Variants in FMNL1 observed in about 807,000 individuals in gnomAD.
The protein encoded by FMNL1 is formin-like protein 1.
FMNL1 carries 43 observed loss-of-function variants against 121.3 expected under a neutral mutation model. The observed-to-expected ratio is 0.35, with a 90% CI of 0.28 to 0.46. FMNL1 has a LOEUF of 0.46. Ranked by LOEUF, FMNL1 falls within the 20% of genes least tolerant of loss-of-function variation. The probability of loss-of-function intolerance (pLI) is 1.00; values close to 1 mark genes in which losing one functional copy is unlikely to be tolerated. For synonymous variants in FMNL1, 613 were observed against 613.5 expected, an observed-to-expected ratio of 1.00 and a Z score of 0.01; for missense variants, 1,191 against 1,482.4, an observed-to-expected ratio of 0.80 and a Z score of 3.23.
chr17:45,223,266 G>A (rs945733342), intron 1 of FMNL1, among the ~76,000 whole-genome samples: 2 of 152,222 alleles, frequency 1.3e-5, no homozygotes, highest in Non-Finnish European at 2.9e-5. Flanking sequence ...CAGGTCTGAG[G>A]GTGGGGGCTC....
intron 25 of FMNL1, 68 bp downstream of exon 25, chr17:45,246,398 C>T (rs745659229): frequency 4.3e-6 from 7 of 1,612,860 alleles, no homozygotes; most frequent in South Asian, 1.1e-5. Context: ...TGACCCAATG[C>T]GCTATCCTCT....
In FMNL1 at chr17:45,237,459, A is replaced by C; in HGVS notation, c.801-87A>C. On this transcript the variant is annotated intron_variant, in intron 8 of 26. Transcript: ENST00000331495. The surrounding 1 kb of genome is among the most constrained non-coding windows in gnomAD (Gnocchi z 4.4). ...GGTCTCAGAGGCTCATTCTGCACCCACTATGCTCCTCCTAGCCAGGCCTGT... is the reference window on the plus strand; with the variant it reads ...GGTCTCAGAGGCTCATTCTGCACCCCCTATGCTCCTCCTAGCCAGGCCTGT... The C allele has an allele frequency of 1.9e-6, 3 of 1,606,956 alleles. No individual in the cohort carries two copies. Among genetic ancestry groups the C allele is most frequent in the Non-Finnish European group, 2.6e-6 (3 of 1,173,774 alleles).
At chr17:45,246,625 C>A in intron 26 of FMNL1, 21 bp downstream of exon 26, 1 of 1,569,650 alleles carries the variant, frequency 6.4e-7, no homozygotes, top group Non-Finnish European at 8.7e-7. Context: ...GACCTGGCCT[C>A]TGATACCACG....
rs572556737 is a variant in FMNL1 at position 45,233,163 on chromosome 17, C to G, written c.328-61C>G. ...GGCGCTGCTGCCTGCTGCCTCAGGA[C>G]TTGGTGGGCCTGTGGGAGGCCGGGC... On this transcript the variant is annotated intron_variant, in intron 3 of 26. Transcript: ENST00000331495. The surrounding 1 kb of genome is among the most constrained non-coding windows in gnomAD (Gnocchi z 4.1). 39 of 1,526,868 alleles carry G rather than the reference C, an allele frequency of 2.6e-5. 1 individual carries two copies. The South Asian group carries it at 4.7e-4, about 18-fold the overall frequency. 94.6% of individuals were successfully genotyped at this position (1,526,868 alleles called of 1,614,324 possible). A position where few individuals can be genotyped will look rare whatever the true frequency, so the allele number is the denominator to read the frequency against.
At position 45,241,847 on chromosome 17, in the gene FMNL1, A is replaced by G; in HGVS notation, c.1586A>G (p.Asp529Gly). The change falls in exon 15 of 27, where the codon GAT becomes GGT. Residue 529 changes from aspartate (D) to glycine (G), a missense_variant and splice_region_variant. Transcript: ENST00000331495. This position sits in a 1 kb window ranked among gnomAD's most constrained non-coding sequence, Gnocchi z 7.0. The stretch of plus-strand genomic sequence containing the variant: ...CCACGCCGCGCCCTCGCTGGCTCAG[A>G]TCTCGCACCTGCAGCAGAGCCGGCT... Reference protein sequence around the residue: ...PGVPTGSPSPDLAPAAEPAPG... With the variant: ...PGVPTGSPSPGLAPAAEPAPG... 1 of 1,429,198 alleles carries G rather than the reference A, an allele frequency of 7.0e-7. No homozygotes were observed. Among genetic ancestry groups the G allele is most frequent in the Non-Finnish European group, 9.1e-7 (1 of 1,100,978 alleles). 88.5% of individuals were successfully genotyped at this position (1,429,198 alleles called of 1,614,324 possible).
chr17:45,245,484 G>C, intron 22 of FMNL1, 68 bp downstream of exon 22: 2 of 1,608,044 alleles, frequency 1.2e-6, no homozygotes, highest in Non-Finnish European at 1.7e-6. Flanking sequence ...GCCTGGAGGG[G>C]TGTGGCCGTA....
rs574847378 is a variant in FMNL1 at position 45,221,987 on chromosome 17, C to T, written c.-138C>T. On this transcript the variant is annotated 5_prime_UTR_variant, in exon 1 of 27. Coordinates refer to ENST00000331495, the MANE Select transcript of FMNL1 (RefSeq NM_005892.4). ...CCCTGCGCGCCGCTGAGCCGAGCGC[C>T]CCCCGCTGCCGAGACCCCCGCCGCC... is the stretch of plus-strand genomic sequence containing the variant. The T allele has an allele frequency of 5.0e-6, 3 of 601,116 alleles. No individual in the cohort carries two copies. In the African/African-American group the frequency reaches 5.9e-5, roughly 12 times the overall value. The allele number at this position is 601,116 out of a possible 1,614,324, so 37.2% of individuals were successfully genotyped here.
In FMNL1 at chr17:45,241,981, C is replaced by T. The variant is rs2043710435; in HGVS notation, c.1720C>T (p.Pro574Ser). 4 of 1,306,156 alleles carry T rather than the reference C, an allele frequency of 3.1e-6. No individual in the cohort carries two copies. Among genetic ancestry groups the T allele is most frequent in the Non-Finnish European group, 3.9e-6 (4 of 1,029,306 alleles). The allele number at this position is 1,306,156 out of a possible 1,614,324, so 80.9% of individuals were successfully genotyped here. A position where few individuals can be genotyped will look rare whatever the true frequency, so the allele number is the denominator to read the frequency against. Reference protein sequence around the residue: ...QAPPLPGSPEPPPAPPLPGDL... With the variant: ...QAPPLPGSPESPPAPPLPGDL... ...CCCGCCTCTCCCTGGCAGCCCGGAG[C>T]CCCCGCCTGCGCCGCCGCTGCCCGG... Residue 574 changes from proline to serine, a missense_variant, in exon 15 of 27, where the codon CCC becomes TCC. Pro to Ser is a moderately conservative substitution (Grantham distance 74). Coordinates refer to ENST00000331495, the MANE Select transcript of FMNL1 (RefSeq NM_005892.4). This position sits in a 1 kb window ranked among gnomAD's most constrained non-coding sequence, Gnocchi z 7.0.
chr17:45,247,249 G>A lies in FMNL1; in HGVS notation c.*391G>A. 1 of 450,668 alleles carries A rather than the reference G, an allele frequency of 2.2e-6. No homozygotes were observed. The highest frequency in any genetic ancestry group is 3.7e-5 in the Admixed American group (1 of 27,132). 27.9% of individuals were successfully genotyped at this position (450,668 alleles called of 1,614,324 possible). ...AACTTATAAAGTGCACCTCGCCCCC[G>A]CAAGCCCCAGCCCCGAGGACCGTCC... On this transcript the variant is annotated 3_prime_UTR_variant, in exon 27 of 27. Coordinates refer to ENST00000331495, the MANE Select transcript of FMNL1 (RefSeq NM_005892.4).
chr17:45,238,753 G>C, intron 10 of FMNL1, 115 bp downstream of exon 10: 2 of 1,360,226 alleles, frequency 1.5e-6, no homozygotes, highest in Non-Finnish European at 2.1e-6. Flanking sequence ...CGTAAGGACT[G>C]AGTGGTCAGT....
intron 15 of FMNL1, 69 bp downstream of exon 15, chr17:45,242,215 T>A (rs973515509): frequency 4.5e-6 from 7 of 1,544,446 alleles, no homozygotes; most frequent in Non-Finnish European, 6.1e-6. Context: ...GGCCTCAGTG[T>A]CCTCCAGGGT....
Position 45,241,156 on chromosome 17 carries a change from A to G in FMNL1, c.1258A>G (p.Asn420Asp). 1 of 1,614,068 alleles carries G rather than the reference A, an allele frequency of 6.2e-7. No homozygotes were observed. The highest frequency in any genetic ancestry group is 8.5e-7 in the Non-Finnish European group (1 of 1,179,966). Reference sequence around the variant, plus strand: ...GACAGAGCGGCTTCGGGACGCGGAGAACGAATCCATGGCCAAGATTGCAGA... The same window carrying G: ...GACAGAGCGGCTTCGGGACGCGGAGGACGAATCCATGGCCAAGATTGCAGA... The part of the protein sequence containing the change: ...LLTERLRDAE[N>D]ESMAKIAELE... Residue 420 changes from asparagine to aspartate, a missense_variant, in exon 13 of 27, where the codon AAC becomes GAC. This residue lies in a region of FMNL1 where 519 missense variants were observed against 492.8 expected (regional missense o/e 1.05). Transcript: ENST00000331495. This position sits in a 1 kb window ranked among gnomAD's most constrained non-coding sequence, Gnocchi z 7.0.
intron 10 of FMNL1, 97 bp from the exon 11 acceptor site, chr17:45,238,858 T>A (rs1421472059): frequency 8.6e-7 from 1 of 1,159,570 alleles, no homozygotes; most frequent in African/African-American, 1.5e-5. Context: ...GAGTGAGAAC[T>A]GTGGAGAAGG....
intron 22 of FMNL1, 45 bp from the exon 23 acceptor site, chr17:45,245,587 G>T: frequency 6.2e-7 from 1 of 1,609,780 alleles, no homozygotes; most frequent in Non-Finnish European, 8.5e-7. Context: ...AGGGGTACAG[G>T]CTGTGAGAGG....
At position 45,236,263 on chromosome 17, in the gene FMNL1, G is replaced by T. The variant is rs753545097; in HGVS notation, c.723+19G>T. ...CTACCAGGTCAGCCGAGGGGCATGG[G>T]ACTGGCGACTAGGGAGCCCAGCCTG... On this transcript the variant is annotated intron_variant, in intron 7 of 26. Coordinates refer to ENST00000331495, the MANE Select transcript of FMNL1 (RefSeq NM_005892.4). 3 of 1,605,458 alleles carry T rather than the reference G, an allele frequency of 1.9e-6. No individual in the cohort carries two copies. The highest frequency in any genetic ancestry group is 3.4e-5 in the Admixed American group (2 of 59,646).
rs976235703 is a variant in FMNL1 at position 45,232,414 on chromosome 17, G to A, written c.261G>A (p.Leu87=). 5 of 1,613,800 alleles carry A rather than the reference G, an allele frequency of 3.1e-6. No homozygotes were observed. The African/African-American group carries it at 6.7e-5, about 22-fold the overall frequency. Residue 87 remains leucine (L), a synonymous_variant, in exon 3 of 27, where the codon CTG becomes CTA. Transcript: ENST00000331495. ...CCCCCGCAGCCTACATCCAGAAGCT[G>A]AAGAGCTATGTGGATACTGGTGGGG... is the stretch of plus-strand genomic sequence containing the variant. ...KNPPAAYIQK[L]KSYVDTGGVS... is the part of the protein sequence containing the mutation.
At chr17:45,228,401 A>G (rs1156822066) in intron 1 of FMNL1, among the ~76,000 whole-genome samples, 2 of 152,220 alleles carry the variant, frequency 1.3e-5, no homozygotes, top group African/African-American at 4.8e-5. Context: ...TCCCCTCGGC[A>G]GTAACAACCA....
At chr17:45,246,829 G>A (rs778642022) in intron 26 of FMNL1, 38 bp from the exon 27 acceptor site, 377 of 702,922 alleles carry the variant, frequency 5.4e-4, no homozygotes, top group Non-Finnish European at 8.7e-4. Context: ...GCTCTGGGCG[G>A]ACTCCTGAAT....
chr17:45,241,917 C>A lies in FMNL1; in HGVS notation c.1656C>A (p.Pro552=). Residue 552 remains proline, a synonymous_variant, in exon 15 of 27, where the codon CCC becomes CCA. Coordinates refer to ENST00000331495, the MANE Select transcript of FMNL1 (RefSeq NM_005892.4). This position sits in a 1 kb window ranked among gnomAD's most constrained non-coding sequence, Gnocchi z 7.0. ...PPPPPPLPGL[P]SPQEAPPSAP... is the part of the protein sequence containing the mutation. Reference sequence around the variant, plus strand: ...CGCCGCCCCCACTGCCCGGCCTCCCCTCCCCGCAGGAAGCCCCGCCCTCTG... The same window carrying A: ...CGCCGCCCCCACTGCCCGGCCTCCCATCCCCGCAGGAAGCCCCGCCCTCTG... 2 of 1,399,836 alleles carry A rather than the reference C, an allele frequency of 1.4e-6. No individual in the cohort carries two copies. The highest frequency in any genetic ancestry group is 1.8e-6 in the Non-Finnish European group (2 of 1,086,674). 86.7% of individuals were successfully genotyped at this position (1,399,836 alleles called of 1,614,324 possible).
Sources: gnomAD v4.1 joint callset for allele counts (sites outside exome capture counted in the v4.1 genomes callset) on GRCh38, gnomAD v4.1.1 for gene constraint, gnomAD v4.1.1 regional missense constraint, Gnocchi (gnomAD v3.1) non-coding constraint, MANE v1.5 for transcripts, NCBI Gene and HGNC (gene_info 2026-07-23, HGNC 2026-07-21) for gene names.